INTS1: variants seen among roughly 807,000 people sequenced by gnomAD.
The protein encoded by INTS1 is integrator complex subunit 1.
In INTS1, 137 loss-of-function variants were observed where a neutral mutation model predicts 241.6. The observed-to-expected ratio is 0.57, with a 90% CI of 0.49 to 0.65. The LOEUF (loss-of-function observed/expected upper bound fraction) is 0.65, where lower values mean the gene tolerates loss of function less well. Ranked by LOEUF, INTS1 falls within the 30% of genes least tolerant of loss-of-function variation. The probability of loss-of-function intolerance (pLI) is 0.00; values close to 1 mark genes in which losing one functional copy is unlikely to be tolerated. For synonymous variants in INTS1, 1,692 were observed against 1,337.8 expected (o/e 1.26, Z -5.78); for missense variants, 3,073 against 3,032.2 (o/e 1.01, Z -0.32).
chr7:1,477,009 C>G (rs1781757441), intron 35 of INTS1, 91 bp from the exon 36 acceptor site: 1 of 1,472,482 alleles, frequency 6.8e-7, no homozygotes, highest in South Asian at 1.3e-5. Flanking sequence ...ATGAGCCACT[C>G]AGAGAGCCGA....
In INTS1 at chr7:1,502,945, G is replaced by T. The variant is rs745783347; in HGVS notation, c.305C>A (p.Ala102Asp). ...LAEAAVAEKRAISPSIKEPSV... is the reference protein window; with the variant it reads ...LAEAAVAEKRDISPSIKEPSV... ...TGGCTCTTTAATCGACGGAGAAATG[G>T]CTCGTTTTTCTGCCACTGCAGCCTC... is the stretch of plus-strand genomic sequence containing the variant. Residue 102 changes from alanine (A) to aspartate (D), a missense_variant, in exon 3 of 48, where the codon GCC (alanine) becomes GAC (aspartate). Physicochemically the swap from Ala to Asp is moderately radical, Grantham distance 126 (BLOSUM62 -2). Transcript: ENST00000404767. 1 of 1,613,808 alleles carries T rather than the reference G, an allele frequency of 6.2e-7. No homozygotes were observed. Among genetic ancestry groups the T allele is most frequent in the Non-Finnish European group, 8.5e-7 (1 of 1,179,880 alleles).
intron 43 of INTS1, 136 bp from the exon 44 acceptor site, chr7:1,472,522 C>A: frequency 1.6e-6 from 1 of 613,218 alleles, no homozygotes; most frequent in South Asian, 2.0e-5. Context: ...CAGCGCTCCA[C>A]AAATGGGGTG....
intron 3 of INTS1, among the ~76,000 whole-genome samples, chr7:1,502,588 G>A (rs1289579548): frequency 5.9e-5 from 9 of 152,170 alleles, no homozygotes; most frequent in East Asian, 1.9e-4. Flanking sequence ...GTGTCGTCAC[G>A]CCCGGTTTAC....
intron 19 of INTS1, 102 bp downstream of exon 19, chr7:1,487,658 G>A (rs1562504297): frequency 1.4e-6 from 2 of 1,446,492 alleles, no homozygotes; most frequent in Admixed American, 1.7e-5. Context: ...TTCTGCCGCA[G>A]TGCGGTCGGC....
chr7:1,474,907 G>A (rs961390757), intron 39 of INTS1, 69 bp from the exon 40 acceptor site: 4 of 1,513,746 alleles, frequency 2.6e-6, no homozygotes, highest in Middle Eastern at 4.7e-4. Flanking sequence ...ACTCAGCCTG[G>A]CCGCCAGCTG....
At chr7:1,499,672 G>A in intron 5 of INTS1, 40 bp from the exon 6 acceptor site, 1 of 1,561,198 alleles carries the variant, frequency 6.4e-7, no homozygotes. Flanking sequence ...GCCCAGCCGG[G>A]CAGCAGCCAG....
rs975723531 is a variant in INTS1, at chr7:1,476,108, GGCCCCAGT to G, written c.5379-45_5379-38del. The G allele has an allele frequency of 2.5e-5, 39 of 1,529,800 alleles. No homozygotes were observed. In the Admixed American group the frequency reaches 5.3e-4, roughly 21 times the overall value. 94.8% of individuals were successfully genotyped at this position (1,529,800 alleles called of 1,614,324 possible). A position where few individuals can be genotyped will look rare whatever the true frequency, so the allele number is the denominator to read the frequency against. The stretch of plus-strand genomic sequence containing the variant: ...GGAGCAGGGCTCACCAGGCGGACGG[GGCCCCAGT>G]GACAGGGGTGGGTGGACGGGACCAG... On this transcript the variant is annotated intron_variant, in intron 38 of 47. Coordinates refer to ENST00000404767, the MANE Select transcript of INTS1 (RefSeq NM_001080453.3).
Position 1,500,530 on chromosome 7 carries a change from C to T in INTS1, c.350-164G>A, listed in dbSNP as rs562248056. Among the ~76,000 whole-genome samples, 141 of 152,278 alleles carry T rather than the reference C, an allele frequency of 9.3e-4. 1 individual carries two copies. The highest frequency in any genetic ancestry group is 3.2e-3 in the African/African-American group (134 of 41,558). On this transcript the variant is annotated intron_variant, in intron 3 of 47. Coordinates refer to ENST00000404767, the MANE Select transcript of INTS1 (RefSeq NM_001080453.3). ...GTTCCCACAGCGGACAAGCACCCCA[C>T]CAGATGGTCCCCTTAATACAACAGG...
In INTS1 at chr7:1,471,613, G is replaced by A. The variant is rs368930774; in HGVS notation, c.6213C>T (p.Asp2071=). The A allele has an allele frequency of 1.9e-5, 30 of 1,612,316 alleles. No homozygotes were observed. In the East Asian group the frequency reaches 2.5e-4, roughly 13 times the overall value. ...EDLLEVLSDI[D]EMSRRRPEIL... The stretch of plus-strand genomic sequence containing the variant: ...TCTCGGGTCTCCGCCGGGACATCTC[G>A]TCTATGTCACTCAGAACCTCCAGCA... The change falls in exon 45 of 48, where the codon GAC becomes GAT. Residue 2071 remains aspartate, a synonymous_variant. Coordinates refer to ENST00000404767, the MANE Select transcript of INTS1 (RefSeq NM_001080453.3).
At chr7:1,500,496 C>G in intron 3 of INTS1, 130 bp from the exon 4 acceptor site, 1 of 1,038,374 alleles carries the variant, frequency 9.6e-7, no homozygotes, top group African/African-American at 1.6e-5. Context: ...GCGATCCACC[C>G]TCAGCAAAGT....
rs1781635654 is a variant in INTS1 at position 1,474,812 on chromosome 7, G to A, written c.5529C>T (p.Ile1843=). Reference sequence around the variant, plus strand: ...AGTCGCTGGTGTCCGCAAGGAGCGTGATGAAGCGGTGGATGAGTCCGTCCA... The same window carrying A: ...AGTCGCTGGTGTCCGCAAGGAGCGTAATGAAGCGGTGGATGAGTCCGTCCA... ...CKLDGLIHRF[I]TLLADTSDSR... Residue 1843 remains isoleucine (I), a synonymous_variant, in exon 40 of 48, where the codon ATC becomes ATT. Transcript: ENST00000404767. 6.3e-7 allele frequency: 1 copy of A among 1,591,028 alleles called. No homozygotes were observed. The highest frequency in any genetic ancestry group is 1.7e-5 in the Admixed American group (1 of 57,388).
chr7:1,491,216 G>A (rs1239183255), intron 16 of INTS1, among the ~76,000 whole-genome samples: 1 of 152,242 alleles, frequency 6.6e-6, no homozygotes, highest in South Asian at 2.1e-4. Context: ...GCAGCAGCAC[G>A]AAGATGATCG....
At chr7:1,494,059 T>C (rs1312123975) in intron 14 of INTS1, 148 bp from the exon 15 acceptor site, 9 of 1,020,348 alleles carry the variant, frequency 8.8e-6, no homozygotes, top group South Asian at 1.8e-5. Flanking sequence ...CCCTCCAACC[T>C]GAGCCTCCCT....
rs749704460 is a variant in INTS1, at chr7:1,477,829, C to T, written c.4738G>A (p.Val1580Ile). The T allele has an allele frequency of 4.3e-6, 7 of 1,612,496 alleles. No individual in the cohort carries two copies. The highest frequency in any genetic ancestry group is 3.3e-5 in the South Asian group (3 of 91,090). Residue 1580 changes from valine (V) to isoleucine (I), a missense_variant, in exon 34 of 48, where the codon GTT (valine) becomes ATT (isoleucine). Val to Ile is a conservative substitution (Grantham distance 29). Transcript: ENST00000404767. ...AGCAGCAGGGAGCTCACCACCACAA[C>T]GGGCTTACAGGCTGGAAACGGGGAG... ...AASPFPACKP[V>I]VVVSSLLLQE...
rs746167496 is a variant in INTS1, at chr7:1,476,371, G to A, written c.5236C>T (p.Arg1746Trp). 42 of 1,576,278 alleles carry A rather than the reference G, an allele frequency of 2.7e-5. No homozygotes were observed. Among genetic ancestry groups the A allele is most frequent in the Middle Eastern group, 1.7e-4 (1 of 6,014 alleles). Residue 1746 changes from arginine to tryptophan, a missense_variant, in exon 38 of 48, where the codon CGG (arginine) becomes TGG (tryptophan). Arg to Trp is a moderately radical substitution (Grantham distance 101). Coordinates refer to ENST00000404767, the MANE Select transcript of INTS1 (RefSeq NM_001080453.3). ...VELILAEAET[R>W]SQDGDTAACS... is the part of the protein sequence containing the mutation. The stretch of plus-strand genomic sequence containing the variant: ...GCGGCTGTGTCCCCGTCCTGGCTCC[G>A]CGTCTCCGCCTCGGCCAGGATCAGC...
At chr7:1,502,849 TGGAC>T (rs1349938595) in intron 3 of INTS1, 48 bp downstream of exon 3, 21 of 1,595,622 alleles carry the variant, frequency 1.3e-5, no homozygotes, top group Non-Finnish European at 1.7e-5. Flanking sequence ...GAACACCTGA[TGGAC>T]GGCATGAGCT....
chr7:1,479,028 T>C lies in INTS1; in HGVS notation c.4330-143A>G, dbSNP rs139478415. 1,495 of 949,170 alleles carry C rather than the reference T, an allele frequency of 1.6e-3. 8 individuals are homozygous for C. The Middle Eastern group carries it at 0.02, about 12-fold the overall frequency. 58.8% of individuals were successfully genotyped at this position (949,170 alleles called of 1,614,324 possible). On this transcript the variant is annotated intron_variant, in intron 31 of 47. Transcript: ENST00000404767. ...CCTGGGCCAACCTCATCCCGCCTCC[T>C]GTCTGAAACGGTGCCTCCCCTGCAC...
At chr7:1,476,108 G>A (rs1379767644) in intron 38 of INTS1, 37 bp from the exon 39 acceptor site, 1 of 1,529,800 alleles carries the variant, frequency 6.5e-7, no homozygotes, top group African/African-American at 1.4e-5. Context: ...AGGCGGACGG[G>A]GCCCCAGTGA....
intron 24 of INTS1, 106 bp downstream of exon 24, chr7:1,484,967 ACTGCCGGCTGGCCCCGTCCCCTCCC>A: frequency 2.9e-5 from 14 of 482,530 alleles, no homozygotes; most frequent in Middle Eastern, 5.9e-4. Context: ...CCAGGGCCAC[ACTGCCGGCTGGCCCCGTCCCCTCCC>A]CAGGGCCACA....
Sources: gnomAD v4.1 joint callset for allele counts (sites outside exome capture counted in the v4.1 genomes callset) on GRCh38, gnomAD v4.1.1 for gene constraint, MANE v1.5 for transcripts, NCBI Gene and HGNC (gene_info 2026-07-23, HGNC 2026-07-21) for gene names.